Variants in RABGAP1L observed in about 807,000 individuals in gnomAD.
The protein encoded by RABGAP1L is RAB GTPase activating protein 1 like.
RABGAP1L carries 63 observed loss-of-function variants against 137.7 expected under a neutral mutation model. That is an observed-to-expected ratio of 0.46 (90% CI 0.37 to 0.56). The LOEUF (loss-of-function observed/expected upper bound fraction) is 0.56, where lower values mean the gene tolerates loss of function less well. RABGAP1L is among the 20% of genes least tolerant of loss of function. The pLI, the probability that RABGAP1L is intolerant of heterozygous loss-of-function variation, is 0.00. For synonymous variants in RABGAP1L, 431 were observed against 433.7 expected (o/e 0.99, Z 0.08); for missense variants, 1,095 against 1,244.0 (o/e 0.88, Z 1.80).
chr1:174,722,247 G>A (rs1681608256), intron 17 of RABGAP1L, among the ~76,000 whole-genome samples: 1 of 152,004 alleles, frequency 6.6e-6, no homozygotes, highest in South Asian at 2.1e-4. Context: ...TTTTTTTATG[G>A]TTGATGCCAG....
chr1:174,516,898 G>T (rs1467683429), intron 13 of RABGAP1L, among the ~76,000 whole-genome samples: 1 of 151,270 alleles, frequency 6.6e-6, no homozygotes, highest in Admixed American at 6.6e-5. Flanking sequence ...CTGTACTCCA[G>T]CCTGGGTGAC....
At chr1:174,852,675 G>A (rs1298213677) in intron 19 of RABGAP1L, among the ~76,000 whole-genome samples, 1 of 152,096 alleles carries the variant, frequency 6.6e-6, no homozygotes, top group Non-Finnish European at 1.5e-5. Flanking sequence ...AATTAGCTGG[G>A]CGTGTTGGCA....
chr1:174,643,987 A>G lies in RABGAP1L; in HGVS notation c.1824+6499A>G, dbSNP rs187419971. Among the ~76,000 whole-genome samples, 112 of 151,426 alleles carry G rather than the reference A, an allele frequency of 7.4e-4. No homozygotes were observed. In the East Asian group the frequency reaches 0.021, roughly 29 times the overall value. On this transcript the variant is annotated intron_variant, in intron 14 of 25. Transcript: ENST00000681986. ...TATGTTTGGGGTTAATTTCATACTT[A>G]CCCTTTACTCACAAGATTTCAAAAT...
intron 11 of RABGAP1L, among the ~76,000 whole-genome samples, chr1:174,327,980 C>CATATATATATATAT (rs1171437559): frequency 1.4e-4 from 15 of 105,914 alleles, no homozygotes; most frequent in African/African-American, 6.2e-4. Flanking sequence ...TATATATATA[C>CATATATATATATAT]ACACACATAT....
chr1:174,901,457 C>CTCATGAGAACTGTCTG, intron 19 of RABGAP1L, among the ~76,000 whole-genome samples: 1 of 152,254 alleles, frequency 6.6e-6, no homozygotes, highest in South Asian at 2.1e-4. Flanking sequence ...ACCATCAGAT[C>CTCATGAGAACTGTCTG]TCATGAGAAC....
intron 13 of RABGAP1L, among the ~76,000 whole-genome samples, chr1:174,524,634 G>A (rs1663717169): frequency 6.6e-6 from 1 of 152,112 alleles, no homozygotes; most frequent in African/African-American, 2.4e-5. Context: ...CTGTGCAGAA[G>A]CTTATTAGTT....
intron 12 of RABGAP1L, among the ~76,000 whole-genome samples, chr1:174,374,352 TG>T (rs140793599): frequency 0.014 from 2,192 of 152,252 alleles, 26 homozygotes; most frequent in Middle Eastern, 0.044. Context: ...TCTTCCGTTG[TG>T]GCCACTTCAT....
chr1:174,609,598 G>C (rs560118377), intron 13 of RABGAP1L, among the ~76,000 whole-genome samples: 2 of 152,110 alleles, frequency 1.3e-5, no homozygotes, highest in African/African-American at 4.8e-5. Flanking sequence ...TACACTGAAT[G>C]GGAATTTTCT....
intron 20 of RABGAP1L, among the ~76,000 whole-genome samples, chr1:174,964,483 T>C (rs1358798087): frequency 6.6e-6 from 1 of 152,190 alleles, no homozygotes; most frequent in Non-Finnish European, 1.5e-5. Context: ...AGCCCCCAGG[T>C]ACACATGAGA....
intron 19 of RABGAP1L, among the ~76,000 whole-genome samples, chr1:174,878,370 G>A (rs908110216): frequency 1.1e-4 from 17 of 152,092 alleles, no homozygotes; most frequent in African/African-American, 9.7e-5. Context: ...GGGATTACAG[G>A]CATGCGCCAC....
chr1:174,928,266 C>G (rs1339339856), intron 19 of RABGAP1L, among the ~76,000 whole-genome samples: 1 of 152,130 alleles, frequency 6.6e-6, no homozygotes. Flanking sequence ...GTCCTAACTT[C>G]CAGATAGAGT....
At chr1:174,794,368 C>T (rs1462037231) in intron 18 of RABGAP1L, among the ~76,000 whole-genome samples, 3 of 152,078 alleles carry the variant, frequency 2.0e-5, no homozygotes, top group Admixed American at 6.6e-5. Flanking sequence ...CAGATAAACG[C>T]AATGTATTTT....
At chr1:174,974,434 T>C (rs1670471264) in intron 21 of RABGAP1L, among the ~76,000 whole-genome samples, 1 of 152,186 alleles carries the variant, frequency 6.6e-6, no homozygotes, top group East Asian at 1.9e-4. Flanking sequence ...TATTTATTTT[T>C]CTCTTTTTGT....
chr1:174,575,420 G>A (rs1668299870), intron 13 of RABGAP1L, among the ~76,000 whole-genome samples: 1 of 152,130 alleles, frequency 6.6e-6, no homozygotes, highest in Admixed American at 6.5e-5. Flanking sequence ...ATTCATGGAA[G>A]GCAGGAAGTA....
intron 13 of RABGAP1L, among the ~76,000 whole-genome samples, chr1:174,498,167 G>A (rs1660912041): frequency 6.6e-6 from 1 of 151,702 alleles, no homozygotes; most frequent in African/African-American, 2.4e-5. Flanking sequence ...ATTTAGATTT[G>A]AAATATGATA....
intron 19 of RABGAP1L, among the ~76,000 whole-genome samples, chr1:174,904,039 C>T (rs937037340): frequency 6.6e-6 from 1 of 151,994 alleles, no homozygotes; most frequent in African/African-American, 2.4e-5. Flanking sequence ...TCTCCCCTCC[C>T]CCCACAGAAA....
intron 20 of RABGAP1L, among the ~76,000 whole-genome samples, chr1:174,966,958 T>A (rs1283204912): frequency 1.3e-5 from 2 of 152,156 alleles, no homozygotes; most frequent in African/African-American, 4.8e-5. Flanking sequence ...AACTATTTTT[T>A]AAATCCTATT....
At chr1:174,615,255 T>C (rs962696018) in intron 13 of RABGAP1L, among the ~76,000 whole-genome samples, 1 of 152,234 alleles carries the variant, frequency 6.6e-6, no homozygotes, top group Non-Finnish European at 1.5e-5. Context: ...GATGGGTTTT[T>C]GGTGTGGATG....
At chr1:174,732,343 G>A (rs905123451) in intron 17 of RABGAP1L, among the ~76,000 whole-genome samples, 1 of 152,194 alleles carries the variant, frequency 6.6e-6, no homozygotes, top group Non-Finnish European at 1.5e-5. Flanking sequence ...TAAAGCCGGA[G>A]CAGATAGTTT....
Sources: gnomAD v4.1 joint callset for allele counts (sites outside exome capture counted in the v4.1 genomes callset) on GRCh38, gnomAD v4.1.1 for gene constraint, MANE v1.5 for transcripts, NCBI Gene and HGNC (gene_info 2026-07-23, HGNC 2026-07-21) for gene names.